GREB1: variants seen among roughly 807,000 people sequenced by gnomAD.
GREB1 encodes growth regulating estrogen receptor binding 1.
Under a neutral mutation model 200.7 loss-of-function variants are expected in GREB1, and 106 were observed. The ratio of observed to expected loss-of-function variants is 0.53; its 90% CI spans 0.45 to 0.62. The LOEUF (loss-of-function observed/expected upper bound fraction) is 0.62, where lower values mean the gene tolerates loss of function less well. Ranked by LOEUF, GREB1 falls within the 20% of genes least tolerant of loss-of-function variation. The pLI, the probability that GREB1 is intolerant of heterozygous loss-of-function variation, is 0.00. For synonymous variants in GREB1, 1,132 were observed against 1,092.4 expected (o/e 1.04, Z -0.72); for missense variants, 2,243 against 2,556.8 (o/e 0.88, Z 2.65).
intron 1 of GREB1, among the ~76,000 whole-genome samples, chr2:11,494,780 A>C (rs1434157210): frequency 1.3e-5 from 2 of 152,220 alleles, no homozygotes; most frequent in African/African-American, 2.4e-5. Context: ...AGATGGGGTC[A>C]GTAATAATCA....
At chr2:11,612,768 A>T (rs1025219850) in intron 19 of GREB1, among the ~76,000 whole-genome samples, 158 bp downstream of exon 19, 1 of 152,236 alleles carries the variant, frequency 6.6e-6, no homozygotes, top group South Asian at 2.1e-4. Flanking sequence ...CTTTCCCAGC[A>T]TGGGCCTGAG....
intron 15 of GREB1, among the ~76,000 whole-genome samples, chr2:11,600,292 T>G (rs1192599759): frequency 2.0e-5 from 3 of 152,122 alleles, no homozygotes; most frequent in African/African-American, 7.2e-5. Flanking sequence ...TGCAAAGGCC[T>G]TTGTCCCACG....
chr2:11,620,245 G>T (rs1394155156), intron 22 of GREB1, among the ~76,000 whole-genome samples: 1 of 152,202 alleles, frequency 6.6e-6, no homozygotes, highest in Non-Finnish European at 1.5e-5. Flanking sequence ...AAAGTGCTGG[G>T]ATTACAAGTG....
intron 1 of GREB1, among the ~76,000 whole-genome samples, chr2:11,524,072 G>C (rs903170151): frequency 2.0e-5 from 3 of 149,260 alleles, no homozygotes; most frequent in South Asian, 2.1e-4. Context: ...CACACACACA[G>C]AGTACACATT....
chr2:11,486,300 T>C (rs1186598287), intron 1 of GREB1, among the ~76,000 whole-genome samples: 5 of 152,152 alleles, frequency 3.3e-5, no homozygotes, highest in Non-Finnish European at 5.9e-5. Context: ...TATATTGTAG[T>C]ACTTTTAAAA....
rs760785515 is a variant in GREB1, at chr2:11,562,456, C to T, written c.158-7C>T. ...GCCTTGCTCATCACTCTTCTTCCCG[C>T]ATCTAGGTGGTAGCCGAGTGGACAA... is the stretch of plus-strand genomic sequence containing the variant. On this transcript the variant is annotated splice_region_variant and splice_polypyrimidine_tract_variant and intron_variant, in intron 2 of 32. Transcript: ENST00000381486. 6.2e-7 allele frequency: 1 copy of T among 1,611,114 alleles called. No individual in the cohort carries two copies. The highest frequency in any genetic ancestry group is 1.1e-5 in the South Asian group (1 of 90,930).
chr2:11,505,724 G>T (rs927539190), intron 1 of GREB1, among the ~76,000 whole-genome samples: 1 of 152,086 alleles, frequency 6.6e-6, no homozygotes, highest in African/African-American at 2.4e-5. Flanking sequence ...ATGGGTACTT[G>T]TAGTACCAAC....
chr2:11,592,891 G>A lies in GREB1; in HGVS notation c.1461G>A (p.Pro487=), dbSNP rs374257784. 188 of 1,597,356 alleles carry A rather than the reference G, an allele frequency of 1.2e-4. No individual in the cohort carries two copies. Among genetic ancestry groups the A allele is most frequent in the Non-Finnish European group, 1.6e-4 (182 of 1,172,888 alleles). Residue 487 remains proline (P), a synonymous_variant, in exon 11 of 33, where the codon CCG becomes CCA. Transcript: ENST00000381486. ...AGCAGGCGCCGCCGCAGCCCTTCCC[G>A]CCCGCGCCCAGCGCCGCGGCACCCG... ...QYQQAPPQPF[P]PAPSAAAPVT...
At chr2:11,637,014 G>C (rs1365057050) in intron 30 of GREB1, among the ~76,000 whole-genome samples, 1 of 140,910 alleles carries the variant, frequency 7.1e-6, no homozygotes, top group African/African-American at 2.6e-5. Context: ...GCAGGGGCAG[G>C]GACAGAGGCA....
rs116763976 is a variant in GREB1, at chr2:11,510,798, G to A, written c.-159+28417G>A. Among the ~76,000 whole-genome samples the A allele has an allele frequency of 6.0e-3, 906 of 150,734 alleles. 10 individuals are homozygous for A. The highest frequency in any genetic ancestry group is 0.021 in the African/African-American group (868 of 40,888). On this transcript the variant is annotated intron_variant, in intron 1 of 2. Coordinates refer to the GREB1 transcript ENST00000628795. ...TCCGCCTCCTGGGTTCAAGCAGTCC[G>A]AGTAGCTGGGATCACAGGTGCCTGT...
chr2:11,503,197 T>C (rs1673094310), intron 1 of GREB1, among the ~76,000 whole-genome samples: 1 of 152,152 alleles, frequency 6.6e-6, no homozygotes, highest in Non-Finnish European at 1.5e-5. Context: ...AGTCCCCTTT[T>C]CTCCTCCCTC....
intron 12 of GREB1, 41 bp from the exon 13 acceptor site, chr2:11,596,070 A>C: frequency 6.3e-7 from 1 of 1,587,944 alleles, no homozygotes; most frequent in Non-Finnish European, 8.6e-7. Flanking sequence ...GCTGAATTTC[A>C]CTGACATCAA....
intron 1 of GREB1, among the ~76,000 whole-genome samples, chr2:11,496,051 G>A (rs963599958): frequency 1.3e-5 from 2 of 152,162 alleles, no homozygotes; most frequent in Non-Finnish European, 2.9e-5. Context: ...GCCTGACTGT[G>A]AAGCTGGCTC....
intron 1 of GREB1, among the ~76,000 whole-genome samples, chr2:11,555,202 A>G (rs1676315229): frequency 6.6e-6 from 1 of 152,244 alleles, no homozygotes; most frequent in Non-Finnish European, 1.5e-5. Flanking sequence ...GAAATATAAC[A>G]AATAGCTAAA....
rs56763287 is a variant in GREB1, at chr2:11,548,176, C to CA, written c.-161-8265dup. ...GGGCAACAGAGCAAGACCCTGTCTC[C>CA]AAAAAAAAAAAAACCCACCACACAT... is the stretch of plus-strand genomic sequence containing the variant. On this transcript the variant is annotated intron_variant, in intron 1 of 32. Coordinates refer to ENST00000381486, the MANE Select transcript of GREB1 (RefSeq NM_014668.4). This position sits in a 1 kb window ranked among gnomAD's most constrained non-coding sequence, Gnocchi z 5.1. Among the ~76,000 whole-genome samples the CA allele has an allele frequency of 0.018, 2,448 of 136,650 alleles. 52 individuals carry two copies. Among genetic ancestry groups the CA allele is most frequent in the African/African-American group, 0.053 (1,997 of 37,720 alleles). The allele number at this position is 136,650 out of a possible 152,430, so 89.6% of individuals were successfully genotyped here. A position where few individuals can be genotyped will look rare whatever the true frequency, so the allele number is the denominator to read the frequency against.
At chr2:11,531,146 C>T (rs555729626), upstream of GREB1, among the ~76,000 whole-genome samples, 1 of 152,304 alleles carries the variant, frequency 6.6e-6, no homozygotes, top group African/African-American at 2.4e-5. Context: ...CAGTCAGTGT[C>T]ACCCAGGCCT....
chr2:11,515,635 G>A (rs866698397), intron 1 of GREB1, among the ~76,000 whole-genome samples: 2 of 152,206 alleles, frequency 1.3e-5, no homozygotes, highest in Admixed American at 6.5e-5. Flanking sequence ...TGGCTTCAAG[G>A]TGGTCACAAC....
At chr2:11,523,695 T>C (rs1183606132) in intron 1 of GREB1, among the ~76,000 whole-genome samples, 1 of 152,208 alleles carries the variant, frequency 6.6e-6, no homozygotes, top group Non-Finnish European at 1.5e-5. Flanking sequence ...CGGGAGGACC[T>C]GCAAACAACC....
rs1680896407 is a variant in GREB1 at position 11,593,071 on chromosome 2, G to A, written c.1641G>A (p.Val547=). ...VEGKLAKTNY[V]VIICACRSAA... ...GCAAGCTTGCCAAGACCAACTACGT[G>A]GTCATCATCTGCGCCTGCCGCAGCG... The change falls in exon 11 of 33, where the codon GTG becomes GTA. Residue 547 remains valine, a synonymous_variant. Coordinates refer to ENST00000381486, the MANE Select transcript of GREB1 (RefSeq NM_014668.4). 1 of 1,612,320 alleles carries A rather than the reference G, an allele frequency of 6.2e-7. No homozygotes were observed. The highest frequency in any genetic ancestry group is 1.1e-5 in the South Asian group (1 of 90,806).
Sources: gnomAD v4.1 joint callset for allele counts (sites outside exome capture counted in the v4.1 genomes callset) on GRCh38, gnomAD v4.1.1 for gene constraint, Gnocchi (gnomAD v3.1) non-coding constraint, MANE v1.5 for transcripts, NCBI Gene and HGNC (gene_info 2026-07-23, HGNC 2026-07-21) for gene names.